SH3GL1: variants seen among roughly 807,000 people sequenced by gnomAD.
SH3GL1 encodes the protein endophilin-A2.
In SH3GL1, 21 loss-of-function variants were observed where a neutral mutation model predicts 48.8. That is an observed-to-expected ratio of 0.43 (90% confidence interval 0.30 to 0.62). The LOEUF (loss-of-function observed/expected upper bound fraction) is 0.62. Among genes scored for constraint, SH3GL1 ranks in the 20% least tolerant of loss-of-function variants. The pLI is 0.11. For synonymous variants in SH3GL1, 282 were observed against 217.5 expected, an observed-to-expected ratio of 1.30 and a Z score of -2.61; for missense variants, 454 against 503.0, an observed-to-expected ratio of 0.90 and a Z score of 0.93.
chr19:4,361,428 C>T lies in SH3GL1; in HGVS notation c.*172G>A, dbSNP rs554343898. 3 of 597,990 alleles carry T rather than the reference C, an allele frequency of 5.0e-6. No individual in the cohort carries two copies. Among genetic ancestry groups the T allele is most frequent in the South Asian group, 2.0e-5 (1 of 49,306 alleles). 37.0% of individuals were successfully genotyped at this position (597,990 alleles called of 1,614,324 possible). ...GGCATCCCCACCCACCCAGATAAGC[C>T]CCCCCACCCAAGTGTGGGGTCCTGC... On this transcript the variant is annotated 3_prime_UTR_variant, in exon 10 of 10. Coordinates refer to ENST00000269886, the MANE Select transcript of SH3GL1 (RefSeq NM_003025.4).
At chr19:4,386,186 T>C (rs1469307679) in intron 1 of SH3GL1, among the ~76,000 whole-genome samples, 1 of 152,190 alleles carries the variant, frequency 6.6e-6, no homozygotes, top group Non-Finnish European at 1.5e-5. Context: ...ATCGGGACTC[T>C]GATGAGTGAG....
intron 1 of SH3GL1, among the ~76,000 whole-genome samples, chr19:4,384,786 G>A (rs768561474): frequency 5.9e-5 from 9 of 152,208 alleles, no homozygotes; most frequent in Non-Finnish European, 1.3e-4. Flanking sequence ...CAGTGTGAAC[G>A]GTACTCACAA....
chr19:4,370,182 T>C (rs747915197), intron 1 of SH3GL1, among the ~76,000 whole-genome samples: 10 of 152,166 alleles, frequency 6.6e-5, no homozygotes, highest in Non-Finnish European at 1.5e-4. Flanking sequence ...AGCTGCCTGT[T>C]GTGGGGCAGC....
chr19:4,367,148 C>G lies in SH3GL1; in HGVS notation c.46-154G>C, dbSNP rs543056354. 6.6e-6 allele frequency among the ~76,000 whole-genome samples: 1 copy of G among 152,132 alleles called. No homozygotes were observed. The highest frequency in any genetic ancestry group is 1.5e-5 in the Non-Finnish European group (1 of 68,012). On this transcript the variant is annotated intron_variant, in intron 1 of 9. Transcript: ENST00000269886. This position sits in a 1 kb window ranked among gnomAD's most constrained non-coding sequence, Gnocchi z 4.2. ...CACACCTCAGGCACTGCCGTGGGCACCCCAGGGCCACACGCTGCCTGCAGA... is the reference window on the plus strand; with the variant it reads ...CACACCTCAGGCACTGCCGTGGGCAGCCCAGGGCCACACGCTGCCTGCAGA...
At chr19:4,391,306 G>A (rs944803187) in intron 1 of SH3GL1, among the ~76,000 whole-genome samples, 1 of 152,238 alleles carries the variant, frequency 6.6e-6, no homozygotes, top group Non-Finnish European at 1.5e-5. Context: ...TCAACTGAGC[G>A]GCATAAGGTG....
At chr19:4,383,197 C>T (rs373159059) in intron 1 of SH3GL1, among the ~76,000 whole-genome samples, 1 of 150,240 alleles carries the variant, frequency 6.7e-6, no homozygotes, top group East Asian at 2.0e-4. Flanking sequence ...GGATTACAGG[C>T]ATGAGCCACC....
chr19:4,361,304 C>T lies in SH3GL1; in HGVS notation c.*296G>A, dbSNP rs925686047. 13 of 487,758 alleles carry T rather than the reference C, an allele frequency of 2.7e-5. No individual in the cohort carries two copies. The highest frequency in any genetic ancestry group is 5.3e-4 in the Middle Eastern group (1 of 1,888). 30.2% of individuals were successfully genotyped at this position (487,758 alleles called of 1,614,324 possible). A position where few individuals can be genotyped will look rare whatever the true frequency, so the allele number is the denominator to read the frequency against. ...AGAGCACCTTAGTGTTGCCCCGCCTCGGCCAGCTGGGCGAGAAGTTGGGGA... is the reference window on the plus strand; with the variant it reads ...AGAGCACCTTAGTGTTGCCCCGCCTTGGCCAGCTGGGCGAGAAGTTGGGGA... On this transcript the variant is annotated 3_prime_UTR_variant, in exon 10 of 10. Coordinates refer to ENST00000269886, the MANE Select transcript of SH3GL1 (RefSeq NM_003025.4).
chr19:4,363,604 C>T, intron 6 of SH3GL1, 116 bp downstream of exon 6: 1 of 1,488,076 alleles, frequency 6.7e-7, no homozygotes, highest in Non-Finnish European at 9.4e-7. Flanking sequence ...TACCCTCCAC[C>T]TCCCCTGCTG....
chr19:4,400,379 G>A lies in SH3GL1; in HGVS notation c.-11C>T, dbSNP rs779784547. ...CCCCGCCACCGACATGCTGCCGCCCGCCGCCGAGCCTCCCGCCCGGACCGC... is the reference window on the plus strand; with the variant it reads ...CCCCGCCACCGACATGCTGCCGCCCACCGCCGAGCCTCCCGCCCGGACCGC... On this transcript the variant is annotated 5_prime_UTR_variant, in exon 1 of 10. Transcript: ENST00000269886. This position sits in a 1 kb window ranked among gnomAD's most constrained non-coding sequence, Gnocchi z 4.1. 4 of 1,584,650 alleles carry A rather than the reference G, an allele frequency of 2.5e-6. No individual in the cohort carries two copies. The African/African-American group carries it at 4.2e-5, about 17-fold the overall frequency.
intron 1 of SH3GL1, among the ~76,000 whole-genome samples, chr19:4,369,690 GGAC>G (rs1023534876): frequency 1.4e-4 from 21 of 152,318 alleles, no homozygotes; most frequent in African/African-American, 4.6e-4. Context: ...CTGAGCCCCA[GGAC>G]GACTTCCTGA....
chr19:4,363,655 G>T, intron 6 of SH3GL1, 65 bp downstream of exon 6: 1 of 1,596,672 alleles, frequency 6.3e-7, no homozygotes, highest in Non-Finnish European at 8.6e-7. Context: ...CAGCTCCCTT[G>T]AGGCACCACC....
rs928600306 is a variant in SH3GL1 at position 4,373,050 on chromosome 19, C to T, written c.46-6056G>A. Among the ~76,000 whole-genome samples the T allele has an allele frequency of 7.2e-5, 11 of 152,114 alleles. No homozygotes were observed. The East Asian group carries it at 7.7e-4, about 11-fold the overall frequency. On this transcript the variant is annotated intron_variant, in intron 1 of 9. Transcript: ENST00000269886. Reference sequence around the variant, plus strand: ...CTGGTCTGGGAGCCTGCAGGGCATCCGCAGGTGAAAAGCAGGAGTAGTCAT... The same window carrying T: ...CTGGTCTGGGAGCCTGCAGGGCATCTGCAGGTGAAAAGCAGGAGTAGTCAT...
intron 1 of SH3GL1, among the ~76,000 whole-genome samples, chr19:4,398,854 G>T (rs1233488487): frequency 6.6e-6 from 1 of 152,124 alleles, no homozygotes; most frequent in Non-Finnish European, 1.5e-5. Flanking sequence ...TTCTACTTCT[G>T]GGAATTCATC....
intron 1 of SH3GL1, among the ~76,000 whole-genome samples, chr19:4,399,733 C>A (rs1462629748): frequency 6.6e-6 from 1 of 152,162 alleles, no homozygotes; most frequent in African/African-American, 2.4e-5. Flanking sequence ...ACACAGGATT[C>A]TGTGGCATAT....
intron 1 of SH3GL1, among the ~76,000 whole-genome samples, chr19:4,384,675 G>A (rs1475333440): frequency 6.6e-6 from 1 of 152,150 alleles, no homozygotes; most frequent in Non-Finnish European, 1.5e-5. Flanking sequence ...CAGAAACTTG[G>A]AGACTCTAAA....
At chr19:4,374,790 G>C (rs947009907) in intron 1 of SH3GL1, among the ~76,000 whole-genome samples, 5 of 152,178 alleles carry the variant, frequency 3.3e-5, no homozygotes, top group African/African-American at 9.6e-5. Context: ...CCTTGGAAAC[G>C]CATGCCGAGG....
chr19:4,399,770 G>A (rs78894282), intron 1 of SH3GL1, among the ~76,000 whole-genome samples: 3,198 of 152,320 alleles, frequency 0.021, 48 homozygotes, highest in Non-Finnish European at 0.035. Context: ...TGTTTTTAAA[G>A]GAAAGGCACA....
intron 1 of SH3GL1, among the ~76,000 whole-genome samples, chr19:4,386,919 C>A (rs1429416487): frequency 6.6e-6 from 1 of 152,192 alleles, no homozygotes; most frequent in East Asian, 1.9e-4. Context: ...AACTCCGCTG[C>A]AATTCCCCTT....
At chr19:4,363,194 A>AC (rs1249844343) in intron 7 of SH3GL1, among the ~76,000 whole-genome samples, 176 bp downstream of exon 7, 1 of 152,160 alleles carries the variant, frequency 6.6e-6, no homozygotes, top group Non-Finnish European at 1.5e-5. Context: ...CAGAGTTCTC[A>AC]GAGCCCCAGC....
Sources: gnomAD v4.1 joint callset for allele counts (sites outside exome capture counted in the v4.1 genomes callset) on GRCh38, gnomAD v4.1.1 for gene constraint, Gnocchi (gnomAD v3.1) non-coding constraint, MANE v1.5 for transcripts, NCBI Gene and HGNC (gene_info 2026-07-23, HGNC 2026-07-21) for gene names.